Variants in LRP1B observed in about 807,000 individuals in gnomAD.
The protein encoded by LRP1B is low-density lipoprotein receptor-related protein 1B.
In LRP1B, 217 loss-of-function variants were observed where a neutral mutation model predicts 556.6. The ratio of observed to expected loss-of-function variants is 0.39; its 90% CI spans 0.35 to 0.44. The LOEUF (loss-of-function observed/expected upper bound fraction) is 0.44. Ranked by LOEUF, LRP1B falls within the 20% of genes least tolerant of loss-of-function variation. LRP1B has a pLI of 1.00. For synonymous variants in LRP1B, 2,047 were observed against 1,865.8 expected (o/e 1.10, Z -2.50); for missense variants, 5,053 against 5,620.8 (o/e 0.90, Z 3.23).
chr2:141,490,895 C>A (rs1389313438), intron 2 of LRP1B, among the ~76,000 whole-genome samples: 2 of 149,810 alleles, frequency 1.3e-5, no homozygotes, highest in Admixed American at 6.7e-5. Context: ...TTTTCTCCTT[C>A]GTCCCCCTCC....
chr2:140,405,583 G>C (rs1573899953), intron 66 of LRP1B, among the ~76,000 whole-genome samples: 1 of 152,106 alleles, frequency 6.6e-6, no homozygotes, highest in Non-Finnish European at 1.5e-5. Flanking sequence ...TTTATGCATA[G>C]AAACTAGAAA....
At chr2:140,431,387 G>C (rs1164544382) in intron 66 of LRP1B, among the ~76,000 whole-genome samples, 1 of 152,148 alleles carries the variant, frequency 6.6e-6, no homozygotes, top group East Asian at 1.9e-4. Flanking sequence ...TCTCATTCCA[G>C]GCACCAGACC....
At chr2:141,522,270 G>C (rs575433882) in intron 2 of LRP1B, among the ~76,000 whole-genome samples, 1 of 152,216 alleles carries the variant, frequency 6.6e-6, no homozygotes, top group South Asian at 2.1e-4. Flanking sequence ...TTTGTATCTA[G>C]AAAAATGAAT....
At chr2:140,345,827 CAT>C (rs1010238179) in intron 77 of LRP1B, among the ~76,000 whole-genome samples, 5 of 131,978 alleles carry the variant, frequency 3.8e-5, no homozygotes, top group Admixed American at 1.6e-4. Flanking sequence ...TACATATATA[CAT>C]ATATATATAC....
intron 2 of LRP1B, among the ~76,000 whole-genome samples, chr2:141,746,106 G>A (rs116783285): frequency 0.013 from 1,982 of 152,122 alleles, 43 homozygotes; most frequent in African/African-American, 0.045. Flanking sequence ...CGTTCCCTGG[G>A]GTTGGGGAAG....
intron 1 of LRP1B, among the ~76,000 whole-genome samples, chr2:141,851,939 C>T (rs1697874507): frequency 6.6e-6 from 1 of 151,684 alleles, no homozygotes; most frequent in Non-Finnish European, 1.5e-5. Flanking sequence ...TTGATATAAT[C>T]TACAAAGTTC....
rs2105198024 is a variant in LRP1B at position 140,601,454 on chromosome 2, G to C, written c.6985C>G (p.Gln2329Glu). The C allele has an allele frequency of 6.2e-7, 1 of 1,607,814 alleles. No homozygotes were observed. The highest frequency in any genetic ancestry group is 8.5e-7 in the Non-Finnish European group (1 of 1,175,942). The change falls in exon 42 of 91, where the codon CAA becomes GAA. Residue 2329 changes from glutamine to glutamate, a missense_variant. Transcript: ENST00000389484. ...HPHVLALDEC[Q>E]NLMFWTNWNE... ...TAAAACTACACTGTTTCTTACTTTT[G>C]ACATTCATCCAAGGCTAGCACATGT...
At chr2:140,803,290 T>TTTTTTTTTTTTTTTTTTTTTTC (rs869303438) in intron 32 of LRP1B, among the ~76,000 whole-genome samples, 1 of 115,262 alleles carries the variant, frequency 8.7e-6, no homozygotes, top group African/African-American at 3.5e-5. Flanking sequence ...TTTTTTTTTT[T>TTTTTTTTTTTTTTTTTTTTTTC]CCGAGATGGA....
chr2:141,229,538 T>C (rs1020043964), intron 5 of LRP1B, 98 bp from the exon 6 acceptor site: 11 of 898,318 alleles, frequency 1.2e-5, no homozygotes, highest in African/African-American at 1.7e-5. Context: ...ATACTTTTAA[T>C]AAATTCATAA....
intron 27 of LRP1B, among the ~76,000 whole-genome samples, chr2:140,860,218 A>G (rs928685458): frequency 2.6e-5 from 4 of 152,162 alleles, no homozygotes; most frequent in Admixed American, 1.3e-4. Context: ...TCATGGGCCA[A>G]TTGATGGATG....
At chr2:141,173,297 A>G (rs1680588246) in intron 7 of LRP1B, among the ~76,000 whole-genome samples, 1 of 152,082 alleles carries the variant, frequency 6.6e-6, no homozygotes, top group Non-Finnish European at 1.5e-5. Flanking sequence ...CATTTTCATG[A>G]CATTAATTCC....
intron 7 of LRP1B, among the ~76,000 whole-genome samples, chr2:141,100,271 C>A (rs980205923): frequency 1.3e-5 from 2 of 152,166 alleles, no homozygotes; most frequent in Non-Finnish European, 2.9e-5. Context: ...AATAAATACT[C>A]AATAATCTCA....
At chr2:140,345,729 CATATATAT>C (rs373184782) in intron 77 of LRP1B, among the ~76,000 whole-genome samples, 1 of 125,220 alleles carries the variant, frequency 8.0e-6, no homozygotes, top group African/African-American at 2.8e-5. Flanking sequence ...TATATATACA[CATATATAT>C]ACATATATAT....
chr2:141,629,439 AAGTATT>A (rs1278684607), intron 2 of LRP1B, among the ~76,000 whole-genome samples: 26 of 152,300 alleles, frequency 1.7e-4, no homozygotes, highest in African/African-American at 6.3e-4. Flanking sequence ...CTCATTTCTT[AAGTATT>A]AAACTCTTGA....
intron 3 of LRP1B, among the ~76,000 whole-genome samples, chr2:141,479,356 C>T (rs1012401679): frequency 1.3e-5 from 2 of 152,154 alleles, no homozygotes; most frequent in Non-Finnish European, 2.9e-5. Context: ...ACTTTGAGCA[C>T]TTTAAACGTA....
intron 1 of LRP1B, among the ~76,000 whole-genome samples, chr2:142,062,047 T>TA (rs889252213): frequency 6.6e-6 from 1 of 151,844 alleles, no homozygotes; most frequent in African/African-American, 2.4e-5. Flanking sequence ...GCTCTTCCCA[T>TA]AAATGCATAA....
intron 43 of LRP1B, among the ~76,000 whole-genome samples, chr2:140,566,895 G>A (rs1681147512): frequency 6.6e-6 from 1 of 152,126 alleles, no homozygotes; most frequent in Admixed American, 6.5e-5. Flanking sequence ...CAATACTTAA[G>A]CTGAAGGGAT....
At chr2:140,774,647 C>A (rs181794655) in intron 33 of LRP1B, among the ~76,000 whole-genome samples, 1 of 152,090 alleles carries the variant, frequency 6.6e-6, no homozygotes, top group East Asian at 1.9e-4. Context: ...CTGAGATTTA[C>A]AATAGTACTG....
intron 84 of LRP1B, among the ~76,000 whole-genome samples, chr2:140,286,132 C>T (rs1683141262): frequency 6.6e-6 from 1 of 151,862 alleles, no homozygotes; most frequent in Admixed American, 6.6e-5. Flanking sequence ...AGATGCTCTA[C>T]TAATATTTGT....
Sources: gnomAD v4.1 joint callset for allele counts (sites outside exome capture counted in the v4.1 genomes callset) on GRCh38, gnomAD v4.1.1 for gene constraint, MANE v1.5 for transcripts, NCBI Gene and HGNC (gene_info 2026-07-23, HGNC 2026-07-21) for gene names.